Variants in LRRIQ1 observed in about 807,000 individuals in gnomAD.
LRRIQ1 encodes the protein leucine-rich repeat- and IQ domain-containing protein 1.
Under a neutral mutation model 211.9 loss-of-function variants are expected in LRRIQ1, and 210 were observed. The observed-to-expected ratio is 0.99, with a 90% CI of 0.89 to 1.11. The LOEUF (loss-of-function observed/expected upper bound fraction) is 1.11. Among genes scored for constraint, LRRIQ1 ranks in the 50% most tolerant of loss-of-function variants. The pLI is 0.00. For synonymous variants in LRRIQ1, 699 were observed against 650.1 expected, an observed-to-expected ratio of 1.08 and a Z score of -1.14; for missense variants, 2,136 against 1,939.5, an observed-to-expected ratio of 1.10 and a Z score of -1.90.
intron 24 of LRRIQ1, among the ~76,000 whole-genome samples, chr12:85,187,474 T>C (rs1367122557): frequency 1.3e-5 from 2 of 152,086 alleles, no homozygotes; most frequent in African/African-American, 4.8e-5. Context: ...CAGTTCAATA[T>C]AGGATGTAAA....
At chr12:85,063,787 T>C (rs1353218581) in intron 8 of LRRIQ1, among the ~76,000 whole-genome samples, 2 of 151,790 alleles carry the variant, frequency 1.3e-5, no homozygotes, top group Non-Finnish European at 2.9e-5. Flanking sequence ...AGCGAGGATA[T>C]GCAAAGTTTG....
chr12:85,147,039 C>T (rs1201305010), intron 19 of LRRIQ1, among the ~76,000 whole-genome samples: 1 of 151,588 alleles, frequency 6.6e-6, no homozygotes, highest in African/African-American at 2.4e-5. Flanking sequence ...ATAGATGTGT[C>T]GATAGAAGGA....
intron 24 of LRRIQ1, among the ~76,000 whole-genome samples, chr12:85,195,579 T>A (rs541166608): frequency 1.0e-3 from 157 of 152,120 alleles, no homozygotes; most frequent in African/African-American, 2.8e-3. Flanking sequence ...AAAAACCACA[T>A]GATTATCTCA....
intron 24 of LRRIQ1, among the ~76,000 whole-genome samples, chr12:85,175,778 C>T (rs2136844111): frequency 6.6e-6 from 1 of 152,234 alleles, no homozygotes; most frequent in East Asian, 1.9e-4. Flanking sequence ...TTCCCCATTG[C>T]TTGTTTTTGT....
chr12:85,225,754 G>A (rs1894620017), intron 24 of LRRIQ1, among the ~76,000 whole-genome samples: 1 of 152,068 alleles, frequency 6.6e-6, no homozygotes, highest in African/African-American at 2.4e-5. Context: ...GGAATTACTG[G>A]GCAGCCTAAC....
intron 15 of LRRIQ1, among the ~76,000 whole-genome samples, chr12:85,119,820 T>C (rs928583783): frequency 2.6e-5 from 4 of 152,200 alleles, no homozygotes; most frequent in Non-Finnish European, 5.9e-5. Flanking sequence ...ATATATTCTT[T>C]AGTAAGGTGT....
At chr12:85,134,997 A>G (rs549102376) in intron 18 of LRRIQ1, among the ~76,000 whole-genome samples, 1 of 152,152 alleles carries the variant, frequency 6.6e-6, no homozygotes, top group African/African-American at 2.4e-5. Context: ...CAACCTTAAA[A>G]ATAACAATTA....
chr12:85,252,773 A>G (rs1219243039), intron 1 of LRRIQ1, among the ~76,000 whole-genome samples: 1 of 151,960 alleles, frequency 6.6e-6, no homozygotes, highest in Non-Finnish European at 1.5e-5. Context: ...GATAAAGTTA[A>G]TAATACTTTA....
At chr12:85,136,176 G>A (rs902668457) in intron 18 of LRRIQ1, among the ~76,000 whole-genome samples, 1 of 107,916 alleles carries the variant, frequency 9.3e-6, no homozygotes, top group Non-Finnish European at 1.9e-5. Flanking sequence ...ACTTGTGTAT[G>A]TGTATGTGGG....
chr12:85,158,964 C>T (rs1343440763), intron 23 of LRRIQ1, among the ~76,000 whole-genome samples: 1 of 151,500 alleles, frequency 6.6e-6, no homozygotes, highest in Non-Finnish European at 1.5e-5. Flanking sequence ...CTATCAAAAT[C>T]AAGTGATTTT....
intron 24 of LRRIQ1, among the ~76,000 whole-genome samples, chr12:85,226,892 T>G (rs1592996974): frequency 6.6e-6 from 1 of 152,066 alleles, no homozygotes; most frequent in Admixed American, 6.6e-5. Context: ...TATTCCATGG[T>G]GTATATGTGC....
intron 11 of LRRIQ1, among the ~76,000 whole-genome samples, chr12:85,089,548 G>T (rs1885168078): frequency 6.6e-6 from 1 of 152,330 alleles, no homozygotes; most frequent in South Asian, 2.1e-4. Context: ...AAGATTATGT[G>T]TGTTATGCCT....
intron 16 of LRRIQ1, 76 bp downstream of exon 16, chr12:85,121,952 A>G: frequency 4.1e-6 from 5 of 1,218,676 alleles, no homozygotes; most frequent in Non-Finnish European, 5.4e-6. Flanking sequence ...AAGTATTCTG[A>G]TTAACACAAT....
chr12:85,218,279 C>G (rs1452436733), intron 24 of LRRIQ1, among the ~76,000 whole-genome samples: 1 of 151,938 alleles, frequency 6.6e-6, no homozygotes, highest in Non-Finnish European at 1.5e-5. Flanking sequence ...TGTTAATCAT[C>G]AGTCTTTCCC....
chr12:85,198,551 C>G (rs1893123345), intron 24 of LRRIQ1, among the ~76,000 whole-genome samples: 1 of 149,220 alleles, frequency 6.7e-6, no homozygotes, highest in Non-Finnish European at 1.5e-5. Context: ...TAGTATTTCT[C>G]TAATGGTTAG....
At chr12:85,150,163 C>G (rs372043767) in intron 19 of LRRIQ1, among the ~76,000 whole-genome samples, 1 of 151,720 alleles carries the variant, frequency 6.6e-6, no homozygotes, top group East Asian at 1.9e-4. Context: ...AGGCAACTTG[C>G]CTGACAGTGC....
At chr12:85,251,605 T>C (rs1222673447) in intron 1 of LRRIQ1, among the ~76,000 whole-genome samples, 2 of 151,942 alleles carry the variant, frequency 1.3e-5, no homozygotes, top group Non-Finnish European at 2.9e-5. Flanking sequence ...CAGCCTGGCA[T>C]AGTGGAAAGA....
chr12:85,064,246 G>A (rs1452233839), intron 8 of LRRIQ1, among the ~76,000 whole-genome samples: 3 of 151,756 alleles, frequency 2.0e-5, no homozygotes, highest in Non-Finnish European at 2.9e-5. Flanking sequence ...TCTCATTGTC[G>A]TTTTGATTTA....
At chr12:85,068,206 T>G (rs923501045) in intron 10 of LRRIQ1, among the ~76,000 whole-genome samples, 2 of 151,918 alleles carry the variant, frequency 1.3e-5, no homozygotes, top group Non-Finnish European at 1.5e-5. Context: ...GCTGAAATAC[T>G]GGGCTCCCAG....
Sources: allele counts gnomAD v4.1 joint callset (sites outside exome capture counted in the v4.1 genomes callset), GRCh38; gene constraint gnomAD v4.1.1; transcripts MANE v1.5; gene names NCBI Gene and HGNC (gene_info 2026-07-23, HGNC 2026-07-21).